The following PKD1L1 variants were observed in gnomAD, a reference collection of about 807,000 sequenced individuals.
PKD1L1 encodes the protein polycystin-1-like protein 1.
A neutral mutation model predicts 323.4 loss-of-function variants in PKD1L1; 236 were observed. That is an observed-to-expected ratio of 0.73 (90% confidence interval 0.66 to 0.81). PKD1L1 has a LOEUF of 0.81. Among genes scored for constraint, PKD1L1 ranks in the 40% least tolerant of loss-of-function variants. The pLI, the probability that PKD1L1 is intolerant of heterozygous loss-of-function variation, is 0.00. For missense variants in PKD1L1, 3,320 were observed against 3,508.0 expected, an observed-to-expected ratio of 0.95 and a Z score of 1.35; for synonymous variants, 1,344 against 1,335.0, an observed-to-expected ratio of 1.01 and a Z score of -0.15.
intron 9 of PKD1L1, among the ~76,000 whole-genome samples, chr7:47,907,680 C>G (rs554476432): frequency 6.6e-6 from 1 of 152,184 alleles, no homozygotes; most frequent in Non-Finnish European, 1.5e-5. Context: ...GCCTCCAGCC[C>G]GTGCTGCAAG....
chr7:47,889,565 C>T (rs77072049), intron 16 of PKD1L1, among the ~76,000 whole-genome samples: 7,978 of 152,098 alleles, frequency 0.052, 534 homozygotes, highest in African/African-American at 0.16. Flanking sequence ...TTTCATGGCT[C>T]TAATCTTGAA....
chr7:47,878,443 G>A (rs1330589453), intron 21 of PKD1L1, among the ~76,000 whole-genome samples: 4 of 152,136 alleles, frequency 2.6e-5, no homozygotes, highest in Non-Finnish European at 5.9e-5. Flanking sequence ...TTAAAATCTT[G>A]ATGATCATCA....
intron 56 of PKD1L1, among the ~76,000 whole-genome samples, chr7:47,782,020 G>T (rs1027963370): frequency 1.3e-5 from 2 of 152,114 alleles, no homozygotes; most frequent in South Asian, 4.2e-4. Context: ...GATCTATTCT[G>T]TTCCAAGGAT....
the PKD1L1 span, among the ~76,000 whole-genome samples, chr7:47,954,616 T>C: frequency 5.4e-4 from 82 of 152,306 alleles, no homozygotes; most frequent in African/African-American, 1.4e-3. Flanking sequence ...TACTCTTTTC[T>C]TTATAAATGA....
At chr7:47,915,784 T>C (rs1787416043) in intron 7 of PKD1L1, among the ~76,000 whole-genome samples, 185 bp from the exon 8 acceptor site, 1 of 151,932 alleles carries the variant, frequency 6.6e-6, no homozygotes, top group African/African-American at 2.4e-5. Flanking sequence ...CAGATGCCAA[T>C]TAAAATAAAA....
At chr7:47,804,580 C>T (rs6962348) in intron 52 of PKD1L1, among the ~76,000 whole-genome samples, 87,102 of 150,722 alleles carry the variant, frequency 0.58, 25,423 homozygotes, top group East Asian at 0.63. Flanking sequence ...AGCAATTCTC[C>T]TGTCTCAGCC....
At chr7:47,831,612 G>A (rs577916345) in intron 41 of PKD1L1, among the ~76,000 whole-genome samples, 27 of 152,304 alleles carry the variant, frequency 1.8e-4, no homozygotes, top group African/African-American at 5.5e-4. Context: ...TGAATAGAAC[G>A]CACAGGCTGA....
chr7:47,896,849 A>G (rs114486762), intron 14 of PKD1L1, among the ~76,000 whole-genome samples: 3,433 of 152,060 alleles, frequency 0.023, 141 homozygotes, highest in African/African-American at 0.078. Context: ...TCTATTCCCC[A>G]GCTGCCCCCT....
At chr7:47,861,894 A>AAC (rs1786036580) in intron 26 of PKD1L1, among the ~76,000 whole-genome samples, 1 of 145,286 alleles carries the variant, frequency 6.9e-6, no homozygotes, top group Non-Finnish European at 1.5e-5. Context: ...AAAAAAAAAA[A>AAC]AAAAAAAAAA....
chr7:47,874,415 C>A (rs1175329911), intron 23 of PKD1L1, among the ~76,000 whole-genome samples: 1 of 152,116 alleles, frequency 6.6e-6, no homozygotes, highest in South Asian at 2.1e-4. Flanking sequence ...CCACAGGCAC[C>A]GTCATAGGAA....
At chr7:47,880,633 G>T in intron 21 of PKD1L1, 95 bp downstream of exon 21, 1 of 931,296 alleles carries the variant, frequency 1.1e-6, no homozygotes. Context: ...TTACGCTGAT[G>T]TAGACCTGCA....
chr7:47,794,803 G>A (rs780867414), intron 55 of PKD1L1, among the ~76,000 whole-genome samples: 1 of 152,188 alleles, frequency 6.6e-6, no homozygotes, highest in African/African-American at 2.4e-5. Flanking sequence ...TCTGGCATCA[G>A]CATCACCTAC....
chr7:47,925,256 T>C (rs1787634818), intron 7 of PKD1L1, among the ~76,000 whole-genome samples: 2 of 152,252 alleles, frequency 1.3e-5, no homozygotes, highest in South Asian at 2.1e-4. Flanking sequence ...ATGCCTATAA[T>C]CCCAACACTT....
Position 47,905,823 on chromosome 7 carries a change from G to C in PKD1L1, c.1522+20C>G. Reference sequence around the variant, plus strand: ...GCGAGGGAGGTTTTTGTTAAATCTGGAATTAAAACAAAGACATACATTGCA... The same window carrying C: ...GCGAGGGAGGTTTTTGTTAAATCTGCAATTAAAACAAAGACATACATTGCA... On this transcript the variant is annotated intron_variant, in intron 10 of 56. Transcript: ENST00000289672. 3.7e-6 allele frequency: 6 copies of C among 1,609,968 alleles called. No individual in the cohort carries two copies. Among genetic ancestry groups the C allele is most frequent in the Non-Finnish European group, 5.1e-6 (6 of 1,179,092 alleles).
At position 47,890,699 on chromosome 7, in the gene PKD1L1, G is replaced by A. The variant is rs1786795276; in HGVS notation, c.2518C>T (p.His840Tyr). 1.2e-6 allele frequency: 2 copies of A among 1,613,626 alleles called. No individual in the cohort carries two copies. Among genetic ancestry groups the A allele is most frequent in the African/African-American group, 1.3e-5 (1 of 74,912 alleles). The stretch of plus-strand genomic sequence containing the variant: ...GTGGGAGCCGCGGCATCCAGTTGGT[G>A]TGCAGTGGAGGAGTCGAAGCAGGGA... ...AHPCFDSSTAHQLDAAAPTVS... is the reference protein window; with the variant it reads ...AHPCFDSSTAYQLDAAAPTVS... The change falls in exon 16 of 57, where the codon CAC (histidine) becomes TAC (tyrosine). Residue 840 changes from histidine to tyrosine, a missense_variant. Physicochemically the swap from His to Tyr is moderately conservative, Grantham distance 83. Coordinates refer to ENST00000289672, the MANE Select transcript of PKD1L1 (RefSeq NM_138295.5).
chr7:47,818,137 G>A (rs750528609), intron 46 of PKD1L1: 5 of 1,367,678 alleles, frequency 3.7e-6, no homozygotes, highest in South Asian at 1.1e-5. Flanking sequence ...GTGGAATGAA[G>A]CAACAGAGAG....
upstream of PKD1L1, among the ~76,000 whole-genome samples, chr7:47,953,098 T>A (rs990406976): frequency 3.3e-5 from 5 of 152,168 alleles, no homozygotes; most frequent in Admixed American, 1.3e-4. Flanking sequence ...ACAGTAGGAA[T>A]CATCTTTCAG....
At chr7:47,793,014 T>C (rs182830351) in intron 55 of PKD1L1, among the ~76,000 whole-genome samples, 58 of 148,884 alleles carry the variant, frequency 3.9e-4, no homozygotes, top group Middle Eastern at 3.4e-3. Context: ...TATACAGATA[T>C]ACATGTAAAT....
rs1787957014 is a variant in PKD1L1 at position 47,940,283 on chromosome 7, A to G, written c.195T>C (p.Asp65=). 1 of 1,614,014 alleles carries G rather than the reference A, an allele frequency of 6.2e-7. No individual in the cohort carries two copies. Among genetic ancestry groups the G allele is most frequent in the East Asian group, 2.2e-5 (1 of 44,874 alleles). ...VYANHVLLMS[D]GKCGCPWCAL... ...CACACCAAGGACAGCCACACTTCCC[A>G]TCACTCATAAGAAGCACATGATTAG... Residue 65 remains aspartate (D), a synonymous_variant, in exon 3 of 57, where the codon GAT becomes GAC. Coordinates refer to ENST00000289672, the MANE Select transcript of PKD1L1 (RefSeq NM_138295.5).
Sources: gnomAD v4.1 joint callset for allele counts (sites outside exome capture counted in the v4.1 genomes callset) on GRCh38, gnomAD v4.1.1 for gene constraint, MANE v1.5 for transcripts, NCBI Gene and HGNC (gene_info 2026-07-23, HGNC 2026-07-21) for gene names.